The following MAK16 variants were observed in gnomAD, a reference collection of about 807,000 sequenced individuals.
MAK16 encodes protein MAK16 homolog.
Under a neutral mutation model 49.9 loss-of-function variants are expected in MAK16, and 12 were observed. That is an observed-to-expected ratio of 0.24 (90% CI 0.15 to 0.39). MAK16 has a LOEUF of 0.39. MAK16 is among the 10% of genes least tolerant of loss of function. The pLI is 1.00. For synonymous variants in MAK16, 115 were observed against 126.4 expected, an observed-to-expected ratio of 0.91 and a Z score of 0.60; for missense variants, 292 against 363.7, an observed-to-expected ratio of 0.80 and a Z score of 1.60.
At position 33,499,825 on chromosome 8, in the gene MAK16, T is replaced by C. The variant is rs1808999591; in HGVS notation, c.*1196T>C. ...GTACACAGCTATTATATGCTGTGGC[T>C]TTGAGAAGTTAACTTTTGTGGAATA... On this transcript the variant is annotated 3_prime_UTR_variant, in exon 10 of 10. Coordinates refer to ENST00000360128, the MANE Select transcript of MAK16 (RefSeq NM_032509.4). 6.3e-6 allele frequency: 1 copy of C among 157,736 alleles called. No homozygotes were observed. The highest frequency in any genetic ancestry group is 1.4e-5 in the Non-Finnish European group (1 of 71,766). The allele number at this position is 157,736 out of a possible 1,614,324, so 9.8% of individuals were successfully genotyped here.
intron 6 of MAK16, among the ~76,000 whole-genome samples, chr8:33,490,930 C>G (rs572961715): frequency 6.6e-5 from 10 of 152,236 alleles, no homozygotes; most frequent in African/African-American, 1.9e-4. Context: ...TCATCCCCAC[C>G]CCCATTACCC....
chr8:33,490,234 AG>A (rs909950444), intron 5 of MAK16, 50 bp from the exon 6 acceptor site: 34 of 1,455,828 alleles, frequency 2.3e-5, no homozygotes, highest in African/African-American at 4.2e-5. Context: ...ATCCTTAAAA[AG>A]GAACACAGCA....
At chr8:33,486,469 T>C (rs572489721) in intron 1 of MAK16, among the ~76,000 whole-genome samples, 1 of 152,196 alleles carries the variant, frequency 6.6e-6, no homozygotes, top group Non-Finnish European at 1.5e-5. Flanking sequence ...GAAGGACTAC[T>C]TGAGCCGAAA....
intron 9 of MAK16, 91 bp downstream of exon 9, chr8:33,497,388 A>C: frequency 2.1e-6 from 2 of 973,654 alleles, no homozygotes; most frequent in Non-Finnish European, 1.6e-6. Flanking sequence ...ACCGTGGTTC[A>C]CTCCTATAAT....
At chr8:33,492,638 T>A (rs1808795246) in intron 6 of MAK16, among the ~76,000 whole-genome samples, 1 of 152,166 alleles carries the variant, frequency 6.6e-6, no homozygotes, top group Non-Finnish European at 1.5e-5. Context: ...TCCAGCACCA[T>A]TTATTGAAGA....
intron 9 of MAK16, among the ~76,000 whole-genome samples, 173 bp downstream of exon 9, chr8:33,497,470 A>G (rs1202646427): frequency 6.6e-6 from 1 of 151,704 alleles, no homozygotes; most frequent in Non-Finnish European, 1.5e-5. Context: ...TGAAGAACAT[A>G]GTGAGACCTC....
chr8:33,492,417 G>A (rs1808792282), intron 6 of MAK16, among the ~76,000 whole-genome samples: 1 of 152,136 alleles, frequency 6.6e-6, no homozygotes, highest in Admixed American at 6.5e-5. Flanking sequence ...TTAACTTGAT[G>A]TGCTCCCATT....
At chr8:33,486,385 T>C (rs1808687448) in intron 1 of MAK16, among the ~76,000 whole-genome samples, 1 of 152,088 alleles carries the variant, frequency 6.6e-6, no homozygotes, top group Non-Finnish European at 1.5e-5. Context: ...AGACTCCATC[T>C]CTACAAAAAA....
intron 9 of MAK16, 96 bp from the exon 10 acceptor site, chr8:33,498,336 A>G: frequency 9.7e-7 from 1 of 1,030,794 alleles, no homozygotes; most frequent in Non-Finnish European, 1.4e-6. Context: ...AGACAAATCA[A>G]TGCCCTAGTC....
At position 33,488,392 on chromosome 8, in the gene MAK16, A is replaced by G. The variant is rs779723538; in HGVS notation, c.30A>G (p.Thr10=). ...TTGTCTTGCAGGTTATCTGGGATAC[A>G]CTAGGAAACAAGCAATTTTGTTCCT... MQSDDVIWD[T]LGNKQFCSFK... Residue 10 remains threonine, a synonymous_variant, in exon 2 of 10, where the codon ACA becomes ACG. Coordinates refer to ENST00000360128, the MANE Select transcript of MAK16 (RefSeq NM_032509.4). 9 of 1,614,206 alleles carry G rather than the reference A, an allele frequency of 5.6e-6. No individual in the cohort carries two copies. The highest frequency in any genetic ancestry group is 7.6e-6 in the Non-Finnish European group (9 of 1,180,020).
chr8:33,499,069 C>G lies in MAK16; in HGVS notation c.*440C>G. The G allele has an allele frequency of 1.0e-6, 1 of 985,642 alleles. No individual in the cohort carries two copies. Among genetic ancestry groups the G allele is most frequent in the Non-Finnish European group, 1.6e-6 (1 of 632,968 alleles). The allele number at this position is 985,642 out of a possible 1,614,324, so 61.1% of individuals were successfully genotyped here. On this transcript the variant is annotated 3_prime_UTR_variant, in exon 10 of 10. Transcript: ENST00000360128. Reference sequence around the variant, plus strand: ...GGAAGGAAGGAAAAAGCAGCTTTCACTTACAAAGTTTCGTGTAAAAATATC... The same window carrying G: ...GGAAGGAAGGAAAAAGCAGCTTTCAGTTACAAAGTTTCGTGTAAAAATATC...
At chr8:33,485,612 C>T (rs940563335) in intron 1 of MAK16, 4 of 303,664 alleles carry the variant, frequency 1.3e-5, no homozygotes, top group African/African-American at 2.1e-5. Flanking sequence ...GCGCGTTACT[C>T]TTCCATCTGC....
chr8:33,498,752 T>A lies in MAK16; in HGVS notation c.*123T>A. 1 of 842,386 alleles carries A rather than the reference T, an allele frequency of 1.2e-6. No individual in the cohort carries two copies. The highest frequency in any genetic ancestry group is 1.8e-6 in the Non-Finnish European group (1 of 546,380). The allele number at this position is 842,386 out of a possible 1,614,324, so 52.2% of individuals were successfully genotyped here. A position where few individuals can be genotyped will look rare whatever the true frequency, so the allele number is the denominator to read the frequency against. Reference sequence around the variant, plus strand: ...TGTGTTGTACTGAACACAATATTTGTGTTTTTATTATTTATGCCACGTCAG... The same window carrying A: ...TGTGTTGTACTGAACACAATATTTGAGTTTTTATTATTTATGCCACGTCAG... On this transcript the variant is annotated 3_prime_UTR_variant, in exon 10 of 10. Coordinates refer to ENST00000360128, the MANE Select transcript of MAK16 (RefSeq NM_032509.4).
chr8:33,495,220 C>T (rs1808838945), intron 6 of MAK16, among the ~76,000 whole-genome samples: 1 of 152,188 alleles, frequency 6.6e-6, no homozygotes, highest in African/African-American at 2.4e-5. Context: ...CAAAGTCTGG[C>T]TCCAGAGTTG....
At position 33,488,796 on chromosome 8, in the gene MAK16, C is replaced by T. The variant is rs374295616; in HGVS notation, c.238C>T (p.Arg80Trp). 25 of 1,613,984 alleles carry T rather than the reference C, an allele frequency of 1.5e-5. No individual in the cohort carries two copies. The highest frequency in any genetic ancestry group is 1.9e-5 in the Non-Finnish European group (23 of 1,179,974). Residue 80 changes from arginine to tryptophan, a missense_variant and splice_region_variant, in exon 4 of 10, where the codon CGG becomes TGG. Coordinates refer to ENST00000360128, the MANE Select transcript of MAK16 (RefSeq NM_032509.4). The part of the protein sequence containing the change: ...RAAFPRRLWE[R>W]VRLSKNYEKA... The stretch of plus-strand genomic sequence containing the variant: ...GGCTTTTCCTCGGCGTCTCTGGGAA[C>T]GGGTAAGCCTTACAACAAAACTACA...
At position 33,498,565 on chromosome 8, in the gene MAK16, G is replaced by A. The variant is rs1409289168; in HGVS notation, c.839G>A (p.Arg280Gln). 3.7e-6 allele frequency: 6 copies of A among 1,613,940 alleles called. No individual in the cohort carries two copies. Among genetic ancestry groups the A allele is most frequent in the African/African-American group, 1.3e-5 (1 of 74,900 alleles). The change falls in exon 10 of 10, where the codon CGA (arginine) becomes CAA (glutamine). Residue 280 changes from arginine to glutamine, a missense_variant. Transcript: ENST00000360128. Reference protein sequence around the residue: ...MPLRGPLQRKRAYVEIEYEQE... With the variant: ...MPLRGPLQRKQAYVEIEYEQE... Reference sequence around the variant, plus strand: ...TTGAGAGGACCACTGCAGAGAAAACGAGCCTATGTGGAAATAGAATACGAG... The same window carrying A: ...TTGAGAGGACCACTGCAGAGAAAACAAGCCTATGTGGAAATAGAATACGAG...
At chr8:33,490,168 C>T in intron 5 of MAK16, 117 bp from the exon 6 acceptor site, 3 of 768,784 alleles carry the variant, frequency 3.9e-6, no homozygotes, top group Non-Finnish European at 6.3e-6. Flanking sequence ...GCCATCCTGC[C>T]CTGCACATGA....
intron 9 of MAK16, among the ~76,000 whole-genome samples, chr8:33,497,586 G>A (rs1015804758): frequency 1.9e-4 from 29 of 151,826 alleles, no homozygotes; most frequent in African/African-American, 6.8e-4. Flanking sequence ...TCAGCCTCCC[G>A]GGTTCAAGCG....
rs535467913 is a variant in MAK16, at chr8:33,489,808, T to A, written c.393-477T>A. On this transcript the variant is annotated intron_variant, in intron 5 of 9. Coordinates refer to ENST00000360128, the MANE Select transcript of MAK16 (RefSeq NM_032509.4). This position sits in a 1 kb window ranked among gnomAD's most constrained non-coding sequence, Gnocchi z 4.2. ...ACTGAAAACTAATTTTTAAAAGTGA[T>A]ATGAAATCCCCAGAATTAACAGAAT... 1.3e-5 allele frequency among the ~76,000 whole-genome samples: 2 copies of A among 152,182 alleles called. No homozygotes were observed. Among genetic ancestry groups the A allele is most frequent in the African/African-American group, 2.4e-5 (1 of 41,458 alleles).
Sources: gnomAD v4.1 joint callset for allele counts (sites outside exome capture counted in the v4.1 genomes callset) on GRCh38, gnomAD v4.1.1 for gene constraint, Gnocchi (gnomAD v3.1) non-coding constraint, MANE v1.5 for transcripts, NCBI Gene and HGNC (gene_info 2026-07-23, HGNC 2026-07-21) for gene names.